The following NBEA variants were observed in gnomAD, a reference collection of about 807,000 sequenced individuals.
The protein encoded by NBEA is neurobeachin.
Under a neutral mutation model 343.4 loss-of-function variants are expected in NBEA, and 44 were observed. The observed-to-expected ratio is 0.13, with a 90% CI of 0.10 to 0.16. The LOEUF (loss-of-function observed/expected upper bound fraction) is 0.16. Ranked by LOEUF, NBEA falls within the 10% of genes least tolerant of loss-of-function variation. The pLI, the probability that NBEA is intolerant of heterozygous loss-of-function variation, is 1.00. For missense variants in NBEA, 2,555 were observed against 3,631.3 expected (o/e 0.70, Z 7.62); for synonymous variants, 1,175 against 1,238.7 (o/e 0.95, Z 1.08).
intron 36 of NBEA, among the ~76,000 whole-genome samples, chr13:35,327,377 A>T (rs1349023827): frequency 6.6e-6 from 1 of 152,104 alleles, no homozygotes; most frequent in Non-Finnish European, 1.5e-5. Context: ...GAATCAACCT[A>T]GGTGCCCATC....
chr13:35,402,140 T>C lies in NBEA; in HGVS notation c.6180-30129T>C, dbSNP rs138410396. ...GTGAACAAGAAAATATTTCAGACATTTTAATATAAAATTTAAATATAATTG... is the reference window on the plus strand; with the variant it reads ...GTGAACAAGAAAATATTTCAGACATCTTAATATAAAATTTAAATATAATTG... On this transcript the variant is annotated intron_variant, in intron 38 of 58. Coordinates refer to ENST00000379939, the MANE Select transcript of NBEA (RefSeq NM_001385012.1). Among the ~76,000 whole-genome samples the C allele has an allele frequency of 8.0e-3, 1,211 of 152,100 alleles. 18 individuals carry two copies. The highest frequency in any genetic ancestry group is 0.028 in the African/African-American group (1,158 of 41,558).
At chr13:35,325,421 A>T (rs989609880) in intron 36 of NBEA, among the ~76,000 whole-genome samples, 1 of 152,180 alleles carries the variant, frequency 6.6e-6, no homozygotes, top group African/African-American at 2.4e-5. Context: ...GGGATGAAAC[A>T]TTATTATTTA....
At chr13:35,526,359 T>C (rs912220632) in intron 41 of NBEA, among the ~76,000 whole-genome samples, 1 of 152,164 alleles carries the variant, frequency 6.6e-6, no homozygotes, top group Non-Finnish European at 1.5e-5. Context: ...ATTAAAAAAA[T>C]ACAAGTTTTT....
intron 12 of NBEA, 53 bp downstream of exon 12, chr13:35,109,495 G>T: frequency 3.5e-6 from 5 of 1,438,504 alleles, no homozygotes; most frequent in Non-Finnish European, 3.7e-6. Flanking sequence ...ATACATTATA[G>T]TTGCTGGATC....
intron 34 of NBEA, among the ~76,000 whole-genome samples, chr13:35,273,799 C>G (rs142447764): frequency 0.036 from 5,411 of 152,126 alleles, 144 homozygotes; most frequent in Non-Finnish European, 0.054. Context: ...ATACACCCTC[C>G]CAAGACTAAA....
intron 1 of NBEA, among the ~76,000 whole-genome samples, chr13:35,031,490 C>CT (rs951464209): frequency 8.6e-5 from 13 of 151,160 alleles, no homozygotes; most frequent in African/African-American, 3.2e-4. Flanking sequence ...CGATTGGTGA[C>CT]TACTTTTTTT....
At chr13:35,581,719 T>C (rs1428395907) in intron 45 of NBEA, among the ~76,000 whole-genome samples, 1 of 110,896 alleles carries the variant, frequency 9.0e-6, no homozygotes, top group African/African-American at 3.6e-5. Context: ...AACATCACAC[T>C]CTGGGGACTG....
At chr13:35,380,876 A>G (rs2041975175) in intron 38 of NBEA, among the ~76,000 whole-genome samples, 1 of 152,140 alleles carries the variant, frequency 6.6e-6, no homozygotes, top group Non-Finnish European at 1.5e-5. Flanking sequence ...TTTTGCCACA[A>G]TTGTGATATT....
intron 38 of NBEA, among the ~76,000 whole-genome samples, chr13:35,415,760 A>C (rs899753457): frequency 6.6e-6 from 1 of 152,048 alleles, no homozygotes; most frequent in Non-Finnish European, 1.5e-5. Context: ...GTTTTTTCCA[A>C]TTCTGTGAAA....
At chr13:35,590,615 A>G (rs1040905933) in intron 46 of NBEA, among the ~76,000 whole-genome samples, 7 of 152,100 alleles carry the variant, frequency 4.6e-5, no homozygotes, top group African/African-American at 1.7e-4. Context: ...ATCAGCTTTT[A>G]GCGGCTGATG....
rs183655319 is a variant in NBEA at position 35,393,168 on chromosome 13, G to T, written c.6180-39101G>T. Among the ~76,000 whole-genome samples the T allele has an allele frequency of 2.6e-3, 393 of 152,194 alleles. 3 individuals are homozygous for T. Among genetic ancestry groups the T allele is most frequent in the African/African-American group, 9.1e-3 (379 of 41,544 alleles). ...AAAGTGAAAGATAGCAATTGTAATA[G>T]ATTATTTTTCCCCGTACAACACCTT... On this transcript the variant is annotated intron_variant, in intron 38 of 58. Coordinates refer to ENST00000379939, the MANE Select transcript of NBEA (RefSeq NM_001385012.1).
At position 35,590,801 on chromosome 13, in the gene NBEA, A is replaced by G. The variant is rs145598392; in HGVS notation, c.7177-2527A>G. ...TAATAAAGTGGGTTCTGAAGATAAA[A>G]CTTTTTGGTCAAACCTACTAGTAGT... On this transcript the variant is annotated intron_variant, in intron 46 of 58. Coordinates refer to ENST00000379939, the MANE Select transcript of NBEA (RefSeq NM_001385012.1). Among the ~76,000 whole-genome samples, 171 of 152,236 alleles carry G rather than the reference A, an allele frequency of 1.1e-3. 1 individual carries two copies. Among genetic ancestry groups the G allele is most frequent in the African/African-American group, 3.8e-3 (156 of 41,556 alleles).
Position 35,475,006 on chromosome 13 carries a change from T to C in NBEA, c.6585+2470T>C, listed in dbSNP as rs1019654204. On this transcript the variant is annotated intron_variant, in intron 41 of 58. Coordinates refer to ENST00000379939, the MANE Select transcript of NBEA (RefSeq NM_001385012.1). ...TTAGGAATTGAACAGAAGTTTACAC[T>C]TAATAAGGACTTTGAGAAGGGTAAT... 1.0e-5 allele frequency: 16 copies of C among 1,561,724 alleles called. No individual in the cohort carries two copies. The Admixed American group carries it at 1.5e-4, about 14-fold the overall frequency.
At chr13:35,388,434 A>G (rs1018991215) in intron 38 of NBEA, among the ~76,000 whole-genome samples, 1 of 152,100 alleles carries the variant, frequency 6.6e-6, no homozygotes, top group Admixed American at 6.6e-5. Flanking sequence ...ATTCCCCCCA[A>G]TTCTAAAAAA....
chr13:34,991,004 G>A (rs1388267843), intron 1 of NBEA, among the ~76,000 whole-genome samples: 2 of 152,204 alleles, frequency 1.3e-5, no homozygotes, highest in East Asian at 1.9e-4. Flanking sequence ...GTTAACAAAA[G>A]TGATCTTTGC....
At chr13:35,392,487 T>G (rs945431223) in intron 38 of NBEA, among the ~76,000 whole-genome samples, 2 of 151,142 alleles carry the variant, frequency 1.3e-5, no homozygotes, top group Non-Finnish European at 3.0e-5. Flanking sequence ...TTTTTTTGTT[T>G]TTTTTTTTTG....
chr13:35,180,598 TGAG>T (rs1332379691), intron 28 of NBEA, among the ~76,000 whole-genome samples: 6 of 151,730 alleles, frequency 4.0e-5, no homozygotes. Context: ...AGTTTGGAAA[TGAG>T]GAGCGTGAAA....
At chr13:35,058,298 A>C (rs552288752) in intron 7 of NBEA, among the ~76,000 whole-genome samples, 1 of 152,302 alleles carries the variant, frequency 6.6e-6, no homozygotes, top group Non-Finnish European at 1.5e-5. Context: ...AGAATAAAAA[A>C]ATTAGACCCT....
At chr13:35,258,261 G>C (rs1443791201) in intron 34 of NBEA, among the ~76,000 whole-genome samples, 1 of 151,318 alleles carries the variant, frequency 6.6e-6, no homozygotes, top group African/African-American at 2.4e-5. Flanking sequence ...TCCACCTCCT[G>C]TGTTCAAGCG....
Sources: allele counts gnomAD v4.1 joint callset (sites outside exome capture counted in the v4.1 genomes callset), GRCh38; gene constraint gnomAD v4.1.1; transcripts MANE v1.5; gene names NCBI Gene and HGNC (gene_info 2026-07-23, HGNC 2026-07-21).